Variants in ABCA3 observed in about 807,000 individuals in gnomAD.
ABCA3 encodes phospholipid-transporting ATPase ABCA3.
ABCA3 carries 88 observed loss-of-function variants against 172.8 expected under a neutral mutation model. The ratio of observed to expected loss-of-function variants is 0.51; its 90% confidence interval spans 0.43 to 0.61. The LOEUF is 0.61. Ranked by LOEUF, ABCA3 falls within the 20% of genes least tolerant of loss-of-function variation. The pLI is 0.00. For missense variants in ABCA3, 2,164 were observed against 2,301.0 expected (o/e 0.94, Z 1.22); for synonymous variants, 1,066 against 983.8 (o/e 1.08, Z -1.56).
chr16:2,276,812 G>A lies in ABCA3; in HGVS notation c.4984-7C>T, dbSNP rs897893563. On this transcript the variant is annotated splice_region_variant and splice_polypyrimidine_tract_variant and intron_variant, in intron 32 of 32. Coordinates refer to ENST00000301732, the MANE Select transcript of ABCA3 (RefSeq NM_001089.3). Reference sequence around the variant, plus strand: ...TCTCCAGAATACCGAAAACCTTTGGGGAGCAGAAAAGTCACTGGTAGGAGA... The same window carrying A: ...TCTCCAGAATACCGAAAACCTTTGGAGAGCAGAAAAGTCACTGGTAGGAGA... The A allele has an allele frequency of 1.1e-5, 17 of 1,613,528 alleles. No homozygotes were observed. The highest frequency in any genetic ancestry group is 1.7e-5 in the Admixed American group (1 of 60,002).
At chr16:2,308,911 G>A (rs1363308433) in intron 10 of ABCA3, among the ~76,000 whole-genome samples, 2 of 151,854 alleles carry the variant, frequency 1.3e-5, no homozygotes, top group East Asian at 3.9e-4. Context: ...CACACCTCAC[G>A]TGGCTGATCC....
intron 7 of ABCA3, 101 bp from the exon 8 acceptor site, chr16:2,319,941 CA>C (rs2093723245): frequency 6.6e-7 from 1 of 1,524,912 alleles, no homozygotes; most frequent in South Asian, 1.1e-5. Flanking sequence ...ATGCTTGGGG[CA>C]ACAGAGTGAC....
intron 32 of ABCA3, 40 bp from the exon 33 acceptor site, chr16:2,276,845 G>A (rs994009917): frequency 6.2e-7 from 1 of 1,612,270 alleles, no homozygotes; most frequent in South Asian, 1.1e-5. Context: ...AGAGAACAGG[G>A]CCCAGGCTCC....
chr16:2,299,289 C>G, intron 14 of ABCA3, 114 bp downstream of exon 14: 1 of 1,467,186 alleles, frequency 6.8e-7, no homozygotes, highest in South Asian at 1.2e-5. Context: ...TCTCCTGCCG[C>G]TGTGGTTGGG....
chr16:2,295,816 G>T, intron 17 of ABCA3, 76 bp from the exon 18 acceptor site: 1 of 1,598,238 alleles, frequency 6.3e-7, no homozygotes. Context: ...GGTCTCTAGG[G>T]CTCACACCAG....
In ABCA3 at chr16:2,278,789, G is replaced by A. The variant is rs150928; in HGVS notation, c.4547+154C>T. Among the ~76,000 whole-genome samples, 113,310 of 152,034 alleles carry A rather than the reference G, an allele frequency of 0.75. 42,512 individuals carry two copies. The highest frequency in any genetic ancestry group is 0.97 in the East Asian group (5,012 of 5,156). On this transcript the variant is annotated intron_variant, in intron 29 of 32. Transcript: ENST00000301732. The surrounding 1 kb of genome is among the most constrained non-coding windows in gnomAD (Gnocchi z 4.4). Reference sequence around the variant, plus strand: ...GTCAGGGCAGTCCCTTTCCTACGTGGAGCTACCTGGGTCACACCACCACAT... The same window carrying A: ...GTCAGGGCAGTCCCTTTCCTACGTGAAGCTACCTGGGTCACACCACCACAT...
intron 10 of ABCA3, among the ~76,000 whole-genome samples, chr16:2,316,404 G>T (rs1247490686): frequency 7.0e-6 from 1 of 142,722 alleles, no homozygotes; most frequent in African/African-American, 2.6e-5. Context: ...CAGCACTTTG[G>T]GAAGCCAAGG....
At position 2,297,814 on chromosome 16, in the gene ABCA3, G is replaced by A; in HGVS notation, c.2004C>T (p.Gly668=). 6.2e-7 allele frequency: 1 copy of A among 1,613,596 alleles called. No homozygotes were observed. Among genetic ancestry groups the A allele is most frequent in the Non-Finnish European group, 8.5e-7 (1 of 1,180,032 alleles). Reference sequence around the variant, plus strand: ...TGCCGATGGAGAGCTTGCGCCTCATGCCCCCGCTCAGGAAGCGGCTCCGTG... The same window carrying A: ...TGCCGATGGAGAGCTTGCGCCTCATACCCCCGCTCAGGAAGCGGCTCCGTG... ...WNSRSRFLSG[G]MRRKLSIGIA... The change falls in exon 16 of 33, where the codon GGC becomes GGT. Residue 668 remains glycine, a synonymous_variant. Transcript: ENST00000301732. The surrounding 1 kb of genome is among the most constrained non-coding windows in gnomAD (Gnocchi z 5.6).
chr16:2,284,540 GGAGT>G lies in ABCA3; in HGVS notation c.3704-107_3704-104del, dbSNP rs1304606667. On this transcript the variant is annotated intron_variant, in intron 24 of 32. Coordinates refer to ENST00000301732, the MANE Select transcript of ABCA3 (RefSeq NM_001089.3). The surrounding 1 kb of genome is among the most constrained non-coding windows in gnomAD (Gnocchi z 5.9). The stretch of plus-strand genomic sequence containing the variant: ...GCACAGGGCCTTATCCGTGCTGTGT[GGAGT>G]GAGGGGGCACCTCCCAGGGACGCCC... 12 of 1,518,414 alleles carry G rather than the reference GGAGT, an allele frequency of 7.9e-6. No homozygotes were observed. Among genetic ancestry groups the G allele is most frequent in the African/African-American group, 2.7e-5 (2 of 72,856 alleles). The allele number at this position is 1,518,414 out of a possible 1,614,324, so 94.1% of individuals were successfully genotyped here. A position where few individuals can be genotyped will look rare whatever the true frequency, so the allele number is the denominator to read the frequency against.
At chr16:2,310,834 CT>C (rs2093705595) in intron 10 of ABCA3, among the ~76,000 whole-genome samples, 1 of 151,656 alleles carries the variant, frequency 6.6e-6, no homozygotes. Context: ...TTTTCTTTTT[CT>C]TTATTGGTCT....
chr16:2,317,302 G>T lies in ABCA3; in HGVS notation c.1092C>A (p.Val364=). 1 of 1,614,030 alleles carries T rather than the reference G, an allele frequency of 6.2e-7. No individual in the cohort carries two copies. The highest frequency in any genetic ancestry group is 1.1e-5 in the South Asian group (1 of 91,034). Residue 364 remains valine (V), a synonymous_variant, in exon 10 of 33, where the codon GTC becomes GTA. Coordinates refer to ENST00000301732, the MANE Select transcript of ABCA3 (RefSeq NM_001089.3). ...AISTISFSFM[V]STFFSKANMA... ...GCTCACCTTTGCTGAAGAAGGTGCT[G>T]ACCATGAAGCTGAAGGAGATGGTAG...
intron 11 of ABCA3, among the ~76,000 whole-genome samples, chr16:2,307,315 G>A (rs552452434): frequency 5.1e-4 from 78 of 152,050 alleles, no homozygotes; most frequent in Non-Finnish European, 7.8e-4. Flanking sequence ...TAGCACTTTC[G>A]GAGGCCGAGG....
At position 2,281,032 on chromosome 16, in the gene ABCA3, C is replaced by T. The variant is rs375783245; in HGVS notation, c.4354G>A (p.Gly1452Arg). ...GCCTCCCTGGCTGCACCCACCTTTC[C>T]GACATCAGAGCTGATTCTGTGACCC... is the stretch of plus-strand genomic sequence containing the variant. ...VGGHRISSDV[G>R]KVRQRIGYCP... is the part of the protein sequence containing the mutation. The change falls in exon 28 of 33, where the codon GGA becomes AGA. Residue 1452 changes from glycine to arginine, a missense_variant. By Grantham distance (125) the Gly-to-Arg change is moderately radical (BLOSUM62 -2). Coordinates refer to ENST00000301732, the MANE Select transcript of ABCA3 (RefSeq NM_001089.3). The surrounding 1 kb of genome is among the most constrained non-coding windows in gnomAD (Gnocchi z 4.7). The T allele has an allele frequency of 3.0e-5, 48 of 1,613,796 alleles. No homozygotes were observed. The South Asian group carries it at 4.1e-4, about 14-fold the overall frequency.
rs765231258 is a variant in ABCA3, at chr16:2,279,971, G to A, written c.4360-841C>T. Among the ~76,000 whole-genome samples, 1 of 152,144 alleles carries A rather than the reference G, an allele frequency of 6.6e-6. No individual in the cohort carries two copies. Among genetic ancestry groups the A allele is most frequent in the South Asian group, 2.1e-4 (1 of 4,824 alleles). ...TTGCCATGTTGGCCAGGCTGGTCTC[G>A]AACTCTAGACCTCAAGTGATCTGCC... On this transcript the variant is annotated intron_variant, in intron 28 of 32. Transcript: ENST00000301732. This position sits in a 1 kb window ranked among gnomAD's most constrained non-coding sequence, Gnocchi z 4.4.
intron 3 of ABCA3, among the ~76,000 whole-genome samples, chr16:2,327,525 G>T (rs2141742547): frequency 1.3e-5 from 2 of 152,318 alleles, no homozygotes; most frequent in South Asian, 4.1e-4. Context: ...GAGCTGTGCA[G>T]GGAAGGGGAA....
intron 6 of ABCA3, 152 bp downstream of exon 6, chr16:2,324,252 T>C (rs2141738228): frequency 3.3e-6 from 4 of 1,197,286 alleles, no homozygotes; most frequent in Non-Finnish European, 3.5e-6. Flanking sequence ...TGTGATGATA[T>C]TATCAGACCC....
chr16:2,324,560 T>A (rs752070181), intron 5 of ABCA3, 29 bp from the exon 6 acceptor site: 2 of 1,606,332 alleles, frequency 1.2e-6, no homozygotes, highest in Admixed American at 3.3e-5. Flanking sequence ...GGAGCTGTGG[T>A]TGCCCAATCG....
intron 1 of ABCA3, among the ~76,000 whole-genome samples, 190 bp downstream of exon 1, chr16:2,340,383 C>A (rs1423154931): frequency 6.6e-6 from 1 of 151,532 alleles, no homozygotes; most frequent in African/African-American, 2.4e-5. Flanking sequence ...GAGCCGAGGC[C>A]GCGGCAGGAG....
At chr16:2,289,714 G>A in intron 19 of ABCA3, 94 bp from the exon 20 acceptor site, 3 of 1,356,734 alleles carry the variant, frequency 2.2e-6, no homozygotes, top group Non-Finnish European at 2.0e-6. Context: ...GAGCAGTGTT[G>A]CCGCAGTCCT....
Sources: allele counts gnomAD v4.1 joint callset (sites outside exome capture counted in the v4.1 genomes callset), GRCh38; gene constraint gnomAD v4.1.1; non-coding constraint Gnocchi (gnomAD v3.1); transcripts MANE v1.5; gene names NCBI Gene and HGNC (gene_info 2026-07-23, HGNC 2026-07-21).